The following KPNA4 variants were observed in gnomAD, a reference collection of about 807,000 sequenced individuals.
The protein encoded by KPNA4 is importin subunit alpha-3.
In KPNA4, 13 loss-of-function variants were observed where a neutral mutation model predicts 71.3. The observed-to-expected ratio is 0.18, with a 90% CI of 0.12 to 0.29. The LOEUF (loss-of-function observed/expected upper bound fraction) is 0.29. Among genes scored for constraint, KPNA4 ranks in the 10% least tolerant of loss-of-function variants. The probability of loss-of-function intolerance (pLI) is 1.00; values close to 1 mark genes in which losing one functional copy is unlikely to be tolerated. For synonymous variants in KPNA4, 189 were observed against 195.2 expected, an observed-to-expected ratio of 0.97 and a Z score of 0.26; for missense variants, 334 against 603.2, an observed-to-expected ratio of 0.55 and a Z score of 4.67.
chr3:160,519,189 T>TA (rs1452705809), intron 11 of KPNA4, among the ~76,000 whole-genome samples: 8 of 152,232 alleles, frequency 5.3e-5, no homozygotes, highest in Admixed American at 3.9e-4. Flanking sequence ...CTAACAATAT[T>TA]AGACAATCCA....
intron 1 of KPNA4, among the ~76,000 whole-genome samples, chr3:160,545,851 C>G (rs1721893440): frequency 8.9e-6 from 1 of 112,642 alleles, no homozygotes; most frequent in Admixed American, 8.0e-5. Context: ...AATTTGCTAA[C>G]AGACTGGATA....
At chr3:160,513,577 T>G (rs184427492) in intron 13 of KPNA4, among the ~76,000 whole-genome samples, 100 of 152,216 alleles carry the variant, frequency 6.6e-4, no homozygotes, top group Non-Finnish European at 5.9e-5. Flanking sequence ...ATGCTGTAAT[T>G]GCGATAAACT....
chr3:160,534,282 T>C (rs924693927), intron 5 of KPNA4, among the ~76,000 whole-genome samples: 2 of 152,332 alleles, frequency 1.3e-5, no homozygotes, highest in Admixed American at 6.5e-5. Context: ...GTTATTCTTA[T>C]ATTCATAAAT....
chr3:160,530,774 A>C, intron 7 of KPNA4, 81 bp downstream of exon 7: 1 of 906,588 alleles, frequency 1.1e-6, no homozygotes, highest in Admixed American at 2.3e-5. Flanking sequence ...TTAAATTGCC[A>C]TAGTCTTTTG....
In KPNA4 at chr3:160,497,668, C is replaced by T. The variant is rs1560041346; in HGVS notation, c.*4436G>A. The T allele has an allele frequency of 6.6e-6, 1 of 152,072 alleles. No individual in the cohort carries two copies. The highest frequency in any genetic ancestry group is 1.5e-5 in the Non-Finnish European group (1 of 68,020). The allele number at this position is 152,072 out of a possible 1,614,324, so 9.4% of individuals were successfully genotyped here. A position where few individuals can be genotyped will look rare whatever the true frequency, so the allele number is the denominator to read the frequency against. On this transcript the variant is annotated 3_prime_UTR_variant, in exon 17 of 17. Transcript: ENST00000334256. ...TCCTCCCATAATATTAAATTATTGG[C>T]TGACAGTTAATGAATTTTGCCAATA...
At chr3:160,527,930 A>C in intron 8 of KPNA4, 23 bp downstream of exon 8, 1 of 1,548,438 alleles carries the variant, frequency 6.5e-7, no homozygotes, top group Non-Finnish European at 8.9e-7. Context: ...TTTTTAGACT[A>C]GTATTACAAG....
At chr3:160,504,924 A>G in intron 16 of KPNA4, 34 bp downstream of exon 16, 2 of 1,045,004 alleles carry the variant, frequency 1.9e-6, no homozygotes, top group Non-Finnish European at 1.3e-6. Flanking sequence ...ATGTTTATAT[A>G]TAAAATTAAG....
chr3:160,505,128 C>T (rs1392503628), intron 15 of KPNA4, 76 bp from the exon 16 acceptor site: 5 of 718,670 alleles, frequency 7.0e-6, no homozygotes, highest in Non-Finnish European at 1.0e-5. Flanking sequence ...CTTTGGAACA[C>T]ATAATCCAAT....
At position 160,544,710 on chromosome 3, in the gene KPNA4, TAAG is replaced by T. The variant is rs202150622; in HGVS notation, c.70-7873_70-7871del. On this transcript the variant is annotated intron_variant, in intron 1 of 16. Coordinates refer to ENST00000334256, the MANE Select transcript of KPNA4 (RefSeq NM_002268.5). ...GAGAAGAAATGAGATATACCCAAAT[TAAG>T]AAGGTCAATAGAACCCAAGCTTTTA... is the stretch of plus-strand genomic sequence containing the variant. Among the ~76,000 whole-genome samples, 1,081 of 152,240 alleles carry T rather than the reference TAAG, an allele frequency of 7.1e-3. 17 individuals are homozygous for T. The highest frequency in any genetic ancestry group is 0.025 in the African/African-American group (1,037 of 41,550).
intron 7 of KPNA4, among the ~76,000 whole-genome samples, chr3:160,529,998 G>C (rs1422744544): frequency 6.6e-6 from 1 of 151,826 alleles, no homozygotes; most frequent in Non-Finnish European, 1.5e-5. Flanking sequence ...AGCCGGGCGT[G>C]GTGGTGGGCG....
chr3:160,543,198 T>C (rs747664614), intron 1 of KPNA4, among the ~76,000 whole-genome samples: 2 of 152,224 alleles, frequency 1.3e-5, no homozygotes, highest in African/African-American at 4.8e-5. Flanking sequence ...TATATGGTTA[T>C]ACTACTCTAC....
intron 10 of KPNA4, among the ~76,000 whole-genome samples, chr3:160,523,520 A>T (rs1314684982): frequency 6.6e-6 from 1 of 152,104 alleles, no homozygotes; most frequent in Non-Finnish European, 1.5e-5. Flanking sequence ...AGAAAGCTCT[A>T]AGGATATTTC....
At chr3:160,505,251 CTGAG>C (rs145410197) in intron 15 of KPNA4, among the ~76,000 whole-genome samples, 199 bp from the exon 16 acceptor site, 136 of 152,102 alleles carry the variant, frequency 8.9e-4, no homozygotes, top group African/African-American at 3.1e-3. Flanking sequence ...AATCAACAAC[CTGAG>C]TGTCTAACTG....
intron 1 of KPNA4, among the ~76,000 whole-genome samples, chr3:160,558,003 C>T (rs1241016976): frequency 2.0e-5 from 3 of 152,156 alleles, no homozygotes; most frequent in Non-Finnish European, 4.4e-5. Flanking sequence ...CTTTAATAAT[C>T]AACTTAATCT....
chr3:160,533,464 A>C (rs1721612913), intron 5 of KPNA4, among the ~76,000 whole-genome samples: 1 of 151,734 alleles, frequency 6.6e-6, no homozygotes, highest in African/African-American at 2.4e-5. Flanking sequence ...AAAAAAAAAA[A>C]CCACTTCGAA....
At position 160,558,336 on chromosome 3, in the gene KPNA4, A is replaced by G. The variant is rs79326265; in HGVS notation, c.69+6878T>C. The stretch of plus-strand genomic sequence containing the variant: ...ACAGAGGTACAAGAGGAATTTTGTA[A>G]GCAAAATGTTATTCTGATATGGAAC... On this transcript the variant is annotated intron_variant, in intron 1 of 16. Transcript: ENST00000334256. Among the ~76,000 whole-genome samples the G allele has an allele frequency of 2.3e-3, 350 of 152,346 alleles. 12 individuals are homozygous for G. The East Asian group carries it at 0.049, about 21-fold the overall frequency.
chr3:160,516,555 G>A (rs1273182675), intron 11 of KPNA4, among the ~76,000 whole-genome samples: 1 of 152,036 alleles, frequency 6.6e-6, no homozygotes, highest in Non-Finnish European at 1.5e-5. Flanking sequence ...TGAGGTGGGT[G>A]GAACACTTAA....
At chr3:160,510,316 T>C (rs1721064741) in intron 13 of KPNA4, among the ~76,000 whole-genome samples, 1 of 151,774 alleles carries the variant, frequency 6.6e-6, no homozygotes, top group Non-Finnish European at 1.5e-5. Flanking sequence ...CGAAGAAATA[T>C]TTAAAAGTCA....
intron 12 of KPNA4, chr3:160,514,831 A>G (rs1334993828): frequency 2.4e-6 from 1 of 418,838 alleles, no homozygotes; most frequent in African/African-American, 2.1e-5. Context: ...TGGTGGCCTT[A>G]CGCGTTATAA....
Sources: allele counts gnomAD v4.1 joint callset (sites outside exome capture counted in the v4.1 genomes callset), GRCh38; gene constraint gnomAD v4.1.1; transcripts MANE v1.5; gene names NCBI Gene and HGNC (gene_info 2026-07-23, HGNC 2026-07-21).